Variants in SMYD3 observed in about 807,000 individuals in gnomAD.
The protein encoded by SMYD3 is histone-lysine N-methyltransferase SMYD3.
In SMYD3, 36 loss-of-function variants were observed where a neutral mutation model predicts 57.7. That is an observed-to-expected ratio of 0.62 (90% CI 0.48 to 0.82). The LOEUF is 0.82. SMYD3 is among the 40% of genes least tolerant of loss of function. SMYD3 has a pLI of 0.00. For missense variants in SMYD3, 515 were observed against 538.8 expected (o/e 0.96, Z 0.44); for synonymous variants, 211 against 195.0 (o/e 1.08, Z -0.68).
chr1:245,749,449 C>T lies in SMYD3; in HGVS notation c.*114G>A, dbSNP rs533623980. On this transcript the variant is annotated 3_prime_UTR_variant, in exon 12 of 12. Coordinates refer to ENST00000490107, the MANE Select transcript of SMYD3 (RefSeq NM_001167740.2). ...CTGCCTTTATTTACCTACACAAACA[C>T]GGAACAGAATTTCCAATAGGAGAGG... 210 of 756,142 alleles carry T rather than the reference C, an allele frequency of 2.8e-4. 1 individual carries two copies. Among genetic ancestry groups the T allele is most frequent in the Admixed American group, 1.2e-4 (5 of 40,696 alleles). 46.8% of individuals were successfully genotyped at this position (756,142 alleles called of 1,614,324 possible).
At chr1:246,439,522 G>A (rs1423186565) in intron 1 of SMYD3, among the ~76,000 whole-genome samples, 1 of 152,028 alleles carries the variant, frequency 6.6e-6, no homozygotes, top group Non-Finnish European at 1.5e-5. Context: ...ATCACCTTTG[G>A]TAACCCTCAA....
chr1:245,757,333 T>C (rs2045649545), intron 11 of SMYD3, among the ~76,000 whole-genome samples: 1 of 152,168 alleles, frequency 6.6e-6, no homozygotes, highest in Non-Finnish European at 1.5e-5. Context: ...TTTTTAAGGC[T>C]GAATAATATT....
At chr1:246,147,258 C>G (rs61840386) in intron 5 of SMYD3, among the ~76,000 whole-genome samples, 1 of 151,932 alleles carries the variant, frequency 6.6e-6, no homozygotes, top group Non-Finnish European at 1.5e-5. Flanking sequence ...CCTTCAGGAA[C>G]GGCAGCAGCT....
At chr1:246,271,261 G>A (rs1475223162) in intron 5 of SMYD3, among the ~76,000 whole-genome samples, 1 of 152,076 alleles carries the variant, frequency 6.6e-6, no homozygotes, top group Non-Finnish European at 1.5e-5. Context: ...CCTTTTAACT[G>A]TTGATACTGT....
intron 5 of SMYD3, among the ~76,000 whole-genome samples, chr1:245,960,727 C>CTAAA (rs61051860): frequency 0.25 from 37,953 of 150,438 alleles, 5,353 homozygotes; most frequent in African/African-American, 0.39. Flanking sequence ...GACTCTGTCT[C>CTAAA]TAAATAAATA....
At chr1:246,188,458 T>C (rs961855424) in intron 5 of SMYD3, among the ~76,000 whole-genome samples, 4 of 152,182 alleles carry the variant, frequency 2.6e-5, no homozygotes, top group Non-Finnish European at 5.9e-5. Context: ...ACTTTAACCA[T>C]TTTAAGTGTA....
intron 1 of SMYD3, among the ~76,000 whole-genome samples, chr1:246,502,072 A>T (rs2068463946): frequency 6.6e-6 from 1 of 151,652 alleles, no homozygotes; most frequent in African/African-American, 2.4e-5. Context: ...CACCAAACAC[A>T]GTGAGTTATT....
At chr1:246,050,070 G>A (rs1215952315) in intron 5 of SMYD3, among the ~76,000 whole-genome samples, 2 of 152,200 alleles carry the variant, frequency 1.3e-5, no homozygotes, top group African/African-American at 4.8e-5. Context: ...AACCTTTCAC[G>A]AAATACTTAG....
intron 5 of SMYD3, among the ~76,000 whole-genome samples, chr1:246,057,530 T>C (rs1406546588): frequency 6.6e-6 from 1 of 152,052 alleles, no homozygotes; most frequent in African/African-American, 2.4e-5. Flanking sequence ...ATCAGGGAAA[T>C]GCAAATTAAA....
chr1:246,288,062 C>CTTTTTTTTTTTTTTTT (rs67603439), intron 5 of SMYD3, among the ~76,000 whole-genome samples: 7 of 64,208 alleles, frequency 1.1e-4, no homozygotes, highest in Non-Finnish European at 1.4e-4. Flanking sequence ...TCAGGTAATT[C>CTTTTTTTTTTTTTTTT]TTTTTTTTTT....
intron 1 of SMYD3, among the ~76,000 whole-genome samples, chr1:246,363,794 C>T (rs983917598): frequency 4.6e-5 from 7 of 151,998 alleles, no homozygotes; most frequent in African/African-American, 1.7e-4. Context: ...CGGAAGGCCG[C>T]AGGGTCCTCT....
In SMYD3 at chr1:246,202,544, T is replaced by C. The variant is rs1360315628; in HGVS notation, c.531+124657A>G. Among the ~76,000 whole-genome samples the C allele has an allele frequency of 1.3e-5, 2 of 152,132 alleles. No individual in the cohort carries two copies. Among genetic ancestry groups the C allele is most frequent in the Non-Finnish European group, 2.9e-5 (2 of 68,024 alleles). ...AGGCTTTTCCAGAGACTTCTCCCTT[T>C]CCTCAGTTCCCCAACCCATCACCAT... On this transcript the variant is annotated intron_variant, in intron 5 of 11. Transcript: ENST00000490107. This position sits in a 1 kb window ranked among gnomAD's most constrained non-coding sequence, Gnocchi z 4.1.
intron 11 of SMYD3, among the ~76,000 whole-genome samples, chr1:245,762,628 G>A (rs1453303083): frequency 6.6e-6 from 1 of 152,194 alleles, no homozygotes; most frequent in Non-Finnish European, 1.5e-5. Context: ...AGTGCCCTCA[G>A]GGAATCCTAG....
intron 10 of SMYD3, among the ~76,000 whole-genome samples, chr1:245,808,996 C>T (rs1219793864): frequency 6.6e-6 from 1 of 152,140 alleles, no homozygotes. Flanking sequence ...CTCCTGACCT[C>T]CGCCCGCCTC....
intron 10 of SMYD3, among the ~76,000 whole-genome samples, chr1:245,843,475 T>C (rs1413507692): frequency 2.6e-5 from 4 of 151,996 alleles, no homozygotes; most frequent in African/African-American, 9.7e-5. Context: ...TAGCAAATAT[T>C]TCATTAAAAT....
intron 5 of SMYD3, among the ~76,000 whole-genome samples, chr1:246,260,399 A>C (rs2063982406): frequency 6.6e-6 from 1 of 152,050 alleles, no homozygotes. Context: ...GTCCCTCACG[A>C]TTCCAGTGGA....
At chr1:246,364,418 C>T (rs1469241720) in intron 1 of SMYD3, among the ~76,000 whole-genome samples, 1 of 152,062 alleles carries the variant, frequency 6.6e-6, no homozygotes, top group Admixed American at 6.5e-5. Context: ...AGGCACAGTA[C>T]GAAGCTCTTT....
In SMYD3 at chr1:246,507,243, C is replaced by T; in HGVS notation, c.-26G>A. ...CCTCCCGCAGCTCCGGCACCTCAGA[C>T]GGCTACCCGCGTCCAGCAGCGGGCG... is the stretch of plus-strand genomic sequence containing the variant. On this transcript the variant is annotated 5_prime_UTR_variant, in exon 1 of 12. Transcript: ENST00000490107. 1 of 1,477,276 alleles carries T rather than the reference C, an allele frequency of 6.8e-7. No individual in the cohort carries two copies. Among genetic ancestry groups the T allele is most frequent in the Admixed American group, 2.3e-5 (1 of 42,648 alleles). The allele number at this position is 1,477,276 out of a possible 1,614,324, so 91.5% of individuals were successfully genotyped here.
intron 1 of SMYD3, among the ~76,000 whole-genome samples, chr1:246,464,065 T>G (rs1344645161): frequency 6.6e-6 from 1 of 152,070 alleles, no homozygotes; most frequent in South Asian, 2.1e-4. Context: ...ACAAAGGTTT[T>G]GAGAAATTTG....
Sources: allele counts gnomAD v4.1 joint callset (sites outside exome capture counted in the v4.1 genomes callset), GRCh38; gene constraint gnomAD v4.1.1; non-coding constraint Gnocchi (gnomAD v3.1); transcripts MANE v1.5; gene names NCBI Gene and HGNC (gene_info 2026-07-23, HGNC 2026-07-21).